DNAH3: variants seen among roughly 807,000 people sequenced by gnomAD.
The protein encoded by DNAH3 is dynein axonemal heavy chain 3.
DNAH3 carries 332 observed loss-of-function variants against 432.5 expected under a neutral mutation model. The observed-to-expected ratio is 0.77, with a 90% confidence interval of 0.70 to 0.84. The LOEUF (loss-of-function observed/expected upper bound fraction) is 0.84. Among genes scored for constraint, DNAH3 ranks in the 40% least tolerant of loss-of-function variants. The pLI is 0.00. For synonymous variants in DNAH3, 1,956 were observed against 1,900.2 expected, an observed-to-expected ratio of 1.03 and a Z score of -0.76; for missense variants, 4,861 against 5,114.0, an observed-to-expected ratio of 0.95 and a Z score of 1.51.
In DNAH3 at chr16:20,975,562, T is replaced by G; in HGVS notation, c.8077-147A>C. ...TGGTCCTGGGTACAGATTCGTTTCC[T>G]AGTGATTATCTCATAGGTTTTTCAA... On this transcript the variant is annotated intron_variant, in intron 50 of 61. Coordinates refer to ENST00000261383, the Ensembl canonical transcript of DNAH3. 3 of 776,290 alleles carry G rather than the reference T, an allele frequency of 3.9e-6. No individual in the cohort carries two copies. In the East Asian group the frequency reaches 7.9e-5, roughly 21 times the overall value. The allele number at this position is 776,290 out of a possible 1,614,324, so 48.1% of individuals were successfully genotyped here.
intron 44 of DNAH3, among the ~76,000 whole-genome samples, chr16:20,990,845 C>A (rs1230746143): frequency 1.3e-5 from 2 of 151,798 alleles, no homozygotes; most frequent in African/African-American, 2.4e-5. Context: ...CATGGTGAAA[C>A]CCCCATCTCT....
Position 21,072,814 on chromosome 16 carries a change from AATTATT to A in DNAH3, c.3085-1994_3085-1989del, listed in dbSNP as rs10592697. Among the ~76,000 whole-genome samples the A allele has an allele frequency of 3.7e-4, 54 of 146,404 alleles. 1 individual carries two copies. Among genetic ancestry groups the A allele is most frequent in the East Asian group, 6.0e-4 (3 of 5,014 alleles). ...CTGGTGCACATCACCATACTCAGCTAATTATTATTATTATTATTATTATTATTACTA... is the reference window on the plus strand; with the variant it reads ...CTGGTGCACATCACCATACTCAGCTAATTATTATTATTATTATTATTACTA... On this transcript the variant is annotated intron_variant, in intron 21 of 61. Transcript: ENST00000261383.
chr16:20,982,817 G>A (rs768677834), exon 49 of DNAH3: 27 of 1,614,006 alleles, frequency 1.7e-5, no homozygotes, highest in Admixed American at 1.2e-4. Flanking sequence ...CCAATCAATC[G>A]TACAGCAATT....
chr16:20,952,124 T>A (rs1338334191), intron 56 of DNAH3, among the ~76,000 whole-genome samples: 1 of 151,996 alleles, frequency 6.6e-6, no homozygotes, highest in Non-Finnish European at 1.5e-5. Flanking sequence ...GTGATCCACC[T>A]GCCGTGGCCT....
At chr16:20,958,354 G>A (rs962052200) in intron 54 of DNAH3, among the ~76,000 whole-genome samples, 3 of 152,090 alleles carry the variant, frequency 2.0e-5, no homozygotes, top group South Asian at 4.1e-4. Flanking sequence ...GATTACAGGC[G>A]TGAGCCACCA....
chr16:21,154,034 G>A (rs945292085), intron 1 of DNAH3, among the ~76,000 whole-genome samples: 6 of 152,224 alleles, frequency 3.9e-5, no homozygotes, highest in Admixed American at 2.6e-4. Flanking sequence ...GAAATGGGAA[G>A]ATTATCAGGT....
intron 19 of DNAH3, among the ~76,000 whole-genome samples, chr16:21,085,315 G>A (rs575780226): frequency 9.9e-5 from 15 of 151,916 alleles, no homozygotes; most frequent in East Asian, 9.7e-4. Context: ...AGGTTGAGGC[G>A]GGTGGATCAC....
Position 21,067,776 on chromosome 16 carries a change from G to GGAGAGAGA in DNAH3, c.3382-365_3382-358dup, listed in dbSNP as rs60889532. Reference sequence around the variant, plus strand: ...CAGTCTTGGGGGGGGGGGTGGGGAGGGAGAGAGAGAGAGAGAGAGAGAGAG... The same window carrying GGAGAGAGA: ...CAGTCTTGGGGGGGGGGGTGGGGAGGGAGAGAGAGAGAGAGAGAGAGAGAGAGAGAGAG... On this transcript the variant is annotated intron_variant, in intron 23 of 61. Transcript: ENST00000261383. Among the ~76,000 whole-genome samples, 41 of 40,890 alleles carry GGAGAGAGA rather than the reference G, an allele frequency of 1.0e-3. 5 individuals carry two copies. The highest frequency in any genetic ancestry group is 5.8e-3 in the East Asian group (3 of 520). 26.8% of individuals were successfully genotyped at this position (40,890 alleles called of 152,430 possible).
At chr16:21,027,229 A>C in intron 37 of DNAH3, 102 bp from the exon 38 acceptor site, 1 of 832,110 alleles carries the variant, frequency 1.2e-6, no homozygotes, top group Non-Finnish European at 2.0e-6. Context: ...TTCATTCCAT[A>C]AATATTTCTT....
intron 15 of DNAH3, among the ~76,000 whole-genome samples, chr16:21,104,804 C>T (rs1396183424): frequency 6.6e-6 from 1 of 152,130 alleles, no homozygotes; most frequent in Non-Finnish European, 1.5e-5. Flanking sequence ...GCACAGATGG[C>T]AAACACAGCC....
chr16:21,025,453 A>G (rs2088498005), intron 38 of DNAH3, among the ~76,000 whole-genome samples: 1 of 147,646 alleles, frequency 6.8e-6, no homozygotes, highest in Non-Finnish European at 1.5e-5. Context: ...TATATTATAT[A>G]TAATATACTG....
rs756511234 is a variant in DNAH3 at position 20,969,277 on chromosome 16, CATGCATGTGT to C, written c.8458+505_8458+514del. 1.4e-3 allele frequency among the ~76,000 whole-genome samples: 206 copies of C among 147,312 alleles called. 1 individual carries two copies. Among genetic ancestry groups the C allele is most frequent in the South Asian group, 8.8e-4 (4 of 4,536 alleles). Reference sequence around the variant, plus strand: ...GTCTATATGTGCATGTCTCTGTGTGCATGCATGTGTGTGCATGTGTGTGTGTGTGTGCATG... The same window carrying C: ...GTCTATATGTGCATGTCTCTGTGTGCGTGCATGTGTGTGTGTGTGTGCATG... On this transcript the variant is annotated intron_variant, in intron 52 of 61. Coordinates refer to ENST00000261383, the Ensembl canonical transcript of DNAH3.
At chr16:21,047,330 G>T (rs1257022753) in intron 31 of DNAH3, among the ~76,000 whole-genome samples, 1 of 147,064 alleles carries the variant, frequency 6.8e-6, no homozygotes, top group Non-Finnish European at 1.5e-5. Context: ...ACGTAGATTT[G>T]GTCTTTTCAC....
At chr16:20,986,615 C>T (rs990843616) in intron 47 of DNAH3, among the ~76,000 whole-genome samples, 1 of 152,136 alleles carries the variant, frequency 6.6e-6, no homozygotes, top group Non-Finnish European at 1.5e-5. Context: ...GTACGGTCCC[C>T]AGAAAAGACA....
exon 43 of DNAH3, chr16:21,000,270 C>A: frequency 6.2e-7 from 1 of 1,614,102 alleles, no homozygotes; most frequent in Non-Finnish European, 8.5e-7. Context: ...CGAAAAGGCC[C>A]TTCCGTCGTC....
chr16:21,072,747 G>C (rs2090835429), intron 21 of DNAH3, among the ~76,000 whole-genome samples: 1 of 151,748 alleles, frequency 6.6e-6, no homozygotes, highest in Admixed American at 6.6e-5. Flanking sequence ...CTGGGCTCAA[G>C]CAATCTCCCT....
chr16:21,023,786 G>GGTGTGTGTGT (rs3220045), intron 39 of DNAH3, among the ~76,000 whole-genome samples: 1,866 of 146,458 alleles, frequency 0.013, 9 homozygotes, highest in Non-Finnish European at 0.016. Context: ...CAGCTTTTGG[G>GGTGTGTGTGT]GTGTGTGTGT....
At chr16:21,092,079 C>A (rs2091551842) in intron 18 of DNAH3, among the ~76,000 whole-genome samples, 2 of 152,116 alleles carry the variant, frequency 1.3e-5, no homozygotes, top group Non-Finnish European at 1.5e-5. Flanking sequence ...CAGTAAAAAT[C>A]CCAGCAAGTT....
intron 51 of DNAH3, among the ~76,000 whole-genome samples, chr16:20,973,219 A>G (rs1000750828): frequency 3.9e-5 from 6 of 151,986 alleles, no homozygotes; most frequent in East Asian, 3.9e-4. Flanking sequence ...CTGAACCTCA[A>G]TGCTGTCAAC....
Sources: gnomAD v4.1 joint callset for allele counts (sites outside exome capture counted in the v4.1 genomes callset) on GRCh38, gnomAD v4.1.1 for gene constraint, MANE v1.5 for transcripts, NCBI Gene and HGNC (gene_info 2026-07-23, HGNC 2026-07-21) for gene names.